The following PCDH15 variants were observed in gnomAD, a reference collection of about 807,000 sequenced individuals.
PCDH15 encodes protocadherin-15.
A neutral mutation model predicts 178.5 loss-of-function variants in PCDH15; 129 were observed. That is an observed-to-expected ratio of 0.72 (90% CI 0.63 to 0.84). The LOEUF (loss-of-function observed/expected upper bound fraction) is 0.84. PCDH15 is among the 40% of genes least tolerant of loss of function. The pLI is 0.00. For synonymous variants in PCDH15, 800 were observed against 732.0 expected (o/e 1.09, Z -1.50); for missense variants, 2,230 against 2,099.9 (o/e 1.06, Z -1.21).
intron 2 of PCDH15, among the ~76,000 whole-genome samples, chr10:55,341,786 TA>T (rs1844577360): frequency 2.3e-4 from 3 of 12,868 alleles, no homozygotes; most frequent in African/African-American, 7.3e-4. Context: ...TATATATATA[TA>T]TATATATATA....
At chr10:55,021,989 T>G (rs1007430075) in intron 2 of PCDH15, among the ~76,000 whole-genome samples, 1 of 152,012 alleles carries the variant, frequency 6.6e-6, no homozygotes, top group Non-Finnish European at 1.5e-5. Flanking sequence ...AAAGTTGGTC[T>G]CATAAAAGTA....
At chr10:54,469,820 C>T (rs2136657117) in intron 3 of PCDH15, among the ~76,000 whole-genome samples, 1 of 152,194 alleles carries the variant, frequency 6.6e-6, no homozygotes, top group African/African-American at 2.4e-5. Flanking sequence ...CTCAAGCCAT[C>T]TGTACTGGTG....
At chr10:54,580,947 T>C (rs772276363) in intron 2 of PCDH15, among the ~76,000 whole-genome samples, 2 of 152,032 alleles carry the variant, frequency 1.3e-5, no homozygotes, top group Non-Finnish European at 2.9e-5. Flanking sequence ...CAAAGGAACA[T>C]ACCTAAAAAT....
At chr10:54,507,144 T>A (rs1170586938) in intron 3 of PCDH15, among the ~76,000 whole-genome samples, 1 of 151,914 alleles carries the variant, frequency 6.6e-6, no homozygotes, top group Non-Finnish European at 1.5e-5. Flanking sequence ...TCCAGGGTAT[T>A]ATTAGAAGCA....
intron 1 of PCDH15, among the ~76,000 whole-genome samples, chr10:54,715,612 A>C (rs2095471334): frequency 1.3e-5 from 2 of 152,118 alleles, no homozygotes; most frequent in African/African-American, 4.8e-5. Context: ...TTTCATGGCC[A>C]GACATATCTC....
intron 2 of PCDH15, among the ~76,000 whole-genome samples, chr10:55,364,909 AT>A (rs1845318323): frequency 6.6e-6 from 1 of 151,912 alleles, no homozygotes; most frequent in African/African-American, 2.4e-5. Context: ...AAAATATACA[AT>A]TTTTTGTCAA....
intron 2 of PCDH15, among the ~76,000 whole-genome samples, chr10:55,072,324 G>A (rs552250271): frequency 6.6e-6 from 1 of 152,060 alleles, no homozygotes; most frequent in African/African-American, 2.4e-5. Flanking sequence ...TTTTGTGAAA[G>A]GATCAACAAA....
intron 1 of PCDH15, among the ~76,000 whole-genome samples, chr10:55,200,661 A>C (rs1840219402): frequency 6.6e-6 from 1 of 152,044 alleles, no homozygotes; most frequent in Non-Finnish European, 1.5e-5. Flanking sequence ...TCCCCACCCA[A>C]ATCTCATGTT....
At chr10:54,205,705 T>C (rs965249845) in intron 10 of PCDH15, among the ~76,000 whole-genome samples, 6 of 152,078 alleles carry the variant, frequency 3.9e-5, no homozygotes, top group Non-Finnish European at 8.8e-5. Flanking sequence ...TAAAATTAAC[T>C]GCCTTAAAAC....
chr10:54,468,804 A>G (rs375755092), intron 3 of PCDH15, among the ~76,000 whole-genome samples: 2 of 152,224 alleles, frequency 1.3e-5, no homozygotes, highest in East Asian at 3.9e-4. Context: ...ATCTAATAAT[A>G]TTTGTTTTAT....
At chr10:54,528,901 G>A (rs776573311) in intron 2 of PCDH15, among the ~76,000 whole-genome samples, 2 of 151,914 alleles carry the variant, frequency 1.3e-5, no homozygotes, top group Non-Finnish European at 2.9e-5. Flanking sequence ...TTGCCTGCAG[G>A]ATGTCAAATG....
chr10:53,917,857 T>A (rs2384332), intron 25 of PCDH15, among the ~76,000 whole-genome samples: 104,744 of 151,830 alleles, frequency 0.69, 36,733 homozygotes, highest in East Asian at 1. Flanking sequence ...TGATGAGAGA[T>A]TTCTCACTCT....
At chr10:54,106,004 TAAAC>T (rs1255009692) in intron 15 of PCDH15, among the ~76,000 whole-genome samples, 1 of 152,126 alleles carries the variant, frequency 6.6e-6, no homozygotes, top group African/African-American at 2.4e-5. Context: ...ATTAAAACGT[TAAAC>T]TAAGCAAAAG....
chr10:54,920,957 C>G (rs963187218), intron 2 of PCDH15, among the ~76,000 whole-genome samples: 1 of 152,108 alleles, frequency 6.6e-6, no homozygotes, highest in African/African-American at 2.4e-5. Flanking sequence ...TAAAAAAGTG[C>G]CTTAAAATCA....
intron 2 of PCDH15, among the ~76,000 whole-genome samples, chr10:55,374,880 G>T (rs1356936013): frequency 6.6e-6 from 1 of 151,768 alleles, no homozygotes; most frequent in African/African-American, 2.4e-5. Context: ...AGGAATTATT[G>T]ATCTGACCAA....
chr10:55,028,881 T>C (rs1564730909), intron 2 of PCDH15, among the ~76,000 whole-genome samples: 1 of 152,056 alleles, frequency 6.6e-6, no homozygotes, highest in Non-Finnish European at 1.5e-5. Context: ...TTTGACAACA[T>C]TGTTAAATAT....
intron 2 of PCDH15, among the ~76,000 whole-genome samples, chr10:55,003,214 T>C (rs1377157571): frequency 6.6e-6 from 1 of 152,216 alleles, no homozygotes; most frequent in Non-Finnish European, 1.5e-5. Context: ...AAAAGCAACT[T>C]ATAATTAGCT....
At chr10:53,864,602 G>A (rs1437267845) in intron 27 of PCDH15, among the ~76,000 whole-genome samples, 1 of 151,980 alleles carries the variant, frequency 6.6e-6, no homozygotes, top group Non-Finnish European at 1.5e-5. Context: ...GACCTCAAAA[G>A]GAGTATTAAA....
intron 1 of PCDH15, among the ~76,000 whole-genome samples, chr10:54,688,519 A>T (rs763318377): frequency 6.6e-6 from 1 of 152,164 alleles, no homozygotes; most frequent in Non-Finnish European, 1.5e-5. Context: ...ATGTTAAGGC[A>T]AATACTGTAT....
Sources: allele counts gnomAD v4.1 joint callset (sites outside exome capture counted in the v4.1 genomes callset), GRCh38; gene constraint gnomAD v4.1.1; transcripts MANE v1.5; gene names NCBI Gene and HGNC (gene_info 2026-07-23, HGNC 2026-07-21).